The following SLX4IP variants were observed in gnomAD, a reference collection of about 807,000 sequenced individuals.
SLX4IP encodes the protein protein SLX4IP.
SLX4IP carries 34 observed loss-of-function variants against 32.9 expected under a neutral mutation model. The observed-to-expected ratio is 1.03, with a 90% confidence interval of 0.79 to 1.38. The LOEUF is 1.38. Among genes scored for constraint, SLX4IP ranks in the 40% most tolerant of loss-of-function variants. SLX4IP has a pLI of 0.00. For missense variants in SLX4IP, 444 were observed against 479.0 expected (o/e 0.93, Z 0.68); for synonymous variants, 172 against 171.7 (o/e 1.00, Z -0.01).
At chr20:10,488,754 G>A (rs566035304) in intron 2 of SLX4IP, among the ~76,000 whole-genome samples, 1 of 152,192 alleles carries the variant, frequency 6.6e-6, no homozygotes, top group African/African-American at 2.4e-5. Flanking sequence ...GCTAAAATAA[G>A]CAAAGAATAT....
At chr20:10,486,579 G>A (rs1293148315) in intron 2 of SLX4IP, among the ~76,000 whole-genome samples, 3 of 152,038 alleles carry the variant, frequency 2.0e-5, no homozygotes, top group Non-Finnish European at 2.9e-5. Context: ...GTGAACATGC[G>A]TATTTAAATC....
intron 4 of SLX4IP, among the ~76,000 whole-genome samples, chr20:10,564,690 TACTC>T (rs2066370453): frequency 6.6e-6 from 1 of 152,328 alleles, no homozygotes; most frequent in East Asian, 1.9e-4. Context: ...GTATGAAAAT[TACTC>T]ACAAACTTGG....
chr20:10,453,875 A>G (rs539882237), intron 1 of SLX4IP, among the ~76,000 whole-genome samples: 15 of 151,498 alleles, frequency 9.9e-5, no homozygotes, highest in Non-Finnish European at 2.1e-4. Flanking sequence ...GTCTCTTTTC[A>G]TTTTTTTAAT....
intron 2 of SLX4IP, among the ~76,000 whole-genome samples, chr20:10,492,663 A>G (rs2065633861): frequency 6.6e-6 from 1 of 152,164 alleles, no homozygotes; most frequent in South Asian, 2.1e-4. Flanking sequence ...ATGGACTGAT[A>G]TATCAGTCTT....
At position 10,518,531 on chromosome 20, in the gene SLX4IP, TTCCTTCCTTCCTTCCTTC is replaced by T. The variant is rs1477312958; in HGVS notation, c.28-37699_28-37682del. ...CTTCCTTCCTTCCTTCCTTCCTTCC[TTCCTTCCTTCCTTCCTTC>T]CTTTCCTTCTTTCTTTCTTTTCTTT... On this transcript the variant is annotated intron_variant, in intron 2 of 7. Transcript: ENST00000334534. 5.6e-3 allele frequency among the ~76,000 whole-genome samples: 774 copies of T among 139,052 alleles called. 25 individuals carry two copies. The highest frequency in any genetic ancestry group is 0.015 in the African/African-American group (569 of 38,052). 91.2% of individuals were successfully genotyped at this position (139,052 alleles called of 152,430 possible). A position where few individuals can be genotyped will look rare whatever the true frequency, so the allele number is the denominator to read the frequency against.
intron 4 of SLX4IP, among the ~76,000 whole-genome samples, chr20:10,564,270 C>A (rs1054496195): frequency 6.6e-6 from 1 of 152,210 alleles, no homozygotes; most frequent in Non-Finnish European, 1.5e-5. Context: ...ATCCTATAGT[C>A]TTTTAAGCCT....
intron 2 of SLX4IP, among the ~76,000 whole-genome samples, chr20:10,511,659 C>A (rs945179662): frequency 6.6e-6 from 1 of 152,234 alleles, no homozygotes; most frequent in Admixed American, 6.5e-5. Flanking sequence ...AGTACTCTTA[C>A]TACCCCAGCT....
chr20:10,530,152 G>T (rs918616603), intron 2 of SLX4IP, among the ~76,000 whole-genome samples: 2 of 152,218 alleles, frequency 1.3e-5, no homozygotes, highest in African/African-American at 4.8e-5. Context: ...AAGAAGGCTT[G>T]CCTGTGCTGC....
intron 2 of SLX4IP, among the ~76,000 whole-genome samples, chr20:10,517,369 C>G (rs620366): frequency 0.57 from 87,283 of 152,018 alleles, 25,664 homozygotes; most frequent in South Asian, 0.72. Context: ...TAGGCCAGAA[C>G]GTGATGTAGG....
chr20:10,499,923 G>T (rs1012448723), intron 2 of SLX4IP, among the ~76,000 whole-genome samples: 1 of 151,956 alleles, frequency 6.6e-6, no homozygotes, highest in Non-Finnish European at 1.5e-5. Context: ...TCAAGGAAAT[G>T]GTACATGTCA....
intron 6 of SLX4IP, among the ~76,000 whole-genome samples, chr20:10,619,182 CTCTT>C (rs2067075608): frequency 6.7e-6 from 1 of 148,554 alleles, no homozygotes. Flanking sequence ...CCTTGCTTTT[CTCTT>C]TCTTTTTTTC....
rs56077622 is a variant in SLX4IP at position 10,613,802 on chromosome 20, A to G, written c.406-7512A>G. 24 of 1,612,928 alleles carry G rather than the reference A, an allele frequency of 1.5e-5. No homozygotes were observed. In the African/African-American group the frequency reaches 2.3e-4, roughly 15 times the overall value. ...CAGACTCCATGATCTGATCCATGTCACCCTTGAAGTCCAGATAGGCCTGCT... is the reference window on the plus strand; with the variant it reads ...CAGACTCCATGATCTGATCCATGTCGCCCTTGAAGTCCAGATAGGCCTGCT... On this transcript the variant is annotated intron_variant, in intron 6 of 7. Coordinates refer to ENST00000334534, the MANE Select transcript of SLX4IP (RefSeq NM_001009608.3).
chr20:10,541,726 C>A (rs772883254), intron 2 of SLX4IP, among the ~76,000 whole-genome samples: 15 of 152,204 alleles, frequency 9.9e-5, no homozygotes, highest in Non-Finnish European at 2.1e-4. Flanking sequence ...TGTTTGTTAA[C>A]TACTCTCAAT....
intron 4 of SLX4IP, among the ~76,000 whole-genome samples, chr20:10,596,449 G>A (rs922571307): frequency 2.6e-5 from 4 of 151,702 alleles, no homozygotes; most frequent in South Asian, 2.1e-4. Flanking sequence ...GGCTGGTCTC[G>A]AGCTCCTGGC....
chr20:10,546,687 A>G (rs1029457825), intron 2 of SLX4IP, among the ~76,000 whole-genome samples: 1 of 152,184 alleles, frequency 6.6e-6, no homozygotes, highest in Non-Finnish European at 1.5e-5. Context: ...TTTATGTTGG[A>G]GGAACTTAAC....
chr20:10,562,581 C>T (rs1758069015), intron 4 of SLX4IP, among the ~76,000 whole-genome samples: 1 of 151,710 alleles, frequency 6.6e-6, no homozygotes, highest in Non-Finnish European at 1.5e-5. Context: ...TTGGAAAATA[C>T]AACATTTGGG....
Position 10,622,739 on chromosome 20 carries a change from C to A in SLX4IP, c.587C>A (p.Ser196Ter). Reference sequence around the variant, plus strand: ...GACACTGTGGAAACATCTAGTGACTCAGTGATTGCAGAGATAGCAAGGAGG... The same window carrying A: ...GACACTGTGGAAACATCTAGTGACTAAGTGATTGCAGAGATAGCAAGGAGG... ...RRDTVETSSDSVIAEIARRRN... is the reference protein window; with the variant it reads ...RRDTVETSSD The change falls in exon 8 of 8, where the codon TCA becomes TAA. Residue 196 changes from serine (S) to a stop codon, truncating the protein, a stop_gained. Transcript: ENST00000334534. LOFTEE classifies it high-confidence loss of function. The A allele has an allele frequency of 6.2e-7, 1 of 1,614,116 alleles. No individual in the cohort carries two copies. Among genetic ancestry groups the A allele is most frequent in the Non-Finnish European group, 8.5e-7 (1 of 1,180,024 alleles).
chr20:10,572,522 A>G (rs1188211933), intron 4 of SLX4IP, among the ~76,000 whole-genome samples: 1 of 152,138 alleles, frequency 6.6e-6, no homozygotes, highest in African/African-American at 2.4e-5. Context: ...CACTTGCCTC[A>G]ATGCATTTTG....
intron 4 of SLX4IP, among the ~76,000 whole-genome samples, chr20:10,595,307 G>A (rs958256674): frequency 2.0e-5 from 3 of 152,238 alleles, no homozygotes; most frequent in East Asian, 3.9e-4. Flanking sequence ...CACCACAGTC[G>A]CCAGCAAGGA....
Sources: allele counts gnomAD v4.1 joint callset (sites outside exome capture counted in the v4.1 genomes callset), GRCh38; gene constraint gnomAD v4.1.1; transcripts MANE v1.5; gene names NCBI Gene and HGNC (gene_info 2026-07-23, HGNC 2026-07-21).